The following TUB variants were observed in gnomAD, a reference collection of about 807,000 sequenced individuals.
The protein encoded by TUB is tubby protein homolog.
TUB carries 33 observed loss-of-function variants against 59.7 expected under a neutral mutation model. The ratio of observed to expected loss-of-function variants is 0.55; its 90% confidence interval spans 0.42 to 0.74. The LOEUF is 0.74. Ranked by LOEUF, TUB falls within the 30% of genes least tolerant of loss-of-function variation. The probability of loss-of-function intolerance (pLI) is 0.00; values close to 1 mark genes in which losing one functional copy is unlikely to be tolerated. For missense variants in TUB, 659 were observed against 672.0 expected (o/e 0.98, Z 0.21); for synonymous variants, 293 against 256.4 (o/e 1.14, Z -1.36).
intron 1 of TUB, among the ~76,000 whole-genome samples, chr11:8,032,540 C>T (rs1162407111): frequency 6.6e-6 from 1 of 152,228 alleles, no homozygotes; most frequent in Non-Finnish European, 1.5e-5. Flanking sequence ...TTTCACACTA[C>T]AACCTCAGAT....
chr11:8,038,568 C>T, upstream of TUB: 1 of 1,108,754 alleles, frequency 9.0e-7, no homozygotes, highest in Non-Finnish European at 1.1e-6. Flanking sequence ...TGCAGAGAGA[C>T]TTGGCCTCCG....
At chr11:8,019,488 C>T (rs1347657107) in intron 1 of TUB, 11 of 902,462 alleles carry the variant, frequency 1.2e-5, no homozygotes, top group Non-Finnish European at 1.6e-5. Context: ...GCACCCGGAC[C>T]CTCGGGCATC....
At chr11:8,077,470 G>C (rs375474617), upstream of TUB, 4 of 152,158 alleles carry the variant, frequency 2.6e-5, no homozygotes, top group Non-Finnish European at 4.4e-5. Context: ...TCATGTCTGC[G>C]TAACTTTGCT....
chr11:8,105,525 C>T lies in TUB; in HGVS notation c.*3906C>T, dbSNP rs1944526589. 1.3e-5 allele frequency: 2 copies of T among 152,132 alleles called. No homozygotes were observed. The highest frequency in any genetic ancestry group is 4.8e-5 in the African/African-American group (2 of 41,406). The allele number at this position is 152,132 out of a possible 1,614,324, so 9.4% of individuals were successfully genotyped here. A position where few individuals can be genotyped will look rare whatever the true frequency, so the allele number is the denominator to read the frequency against. ...TAAATTTTCCAACCAAGTGGAAAGG[C>T]AAGTTGGTCTTATAGAAAGCACTAC... On this transcript the variant is annotated 3_prime_UTR_variant, in exon 12 of 12. Coordinates refer to ENST00000299506, the MANE Select transcript of TUB (RefSeq NM_177972.3).
chr11:8,100,622 C>T (rs199793264), intron 10 of TUB, 21 bp downstream of exon 10: 50 of 1,605,242 alleles, frequency 3.1e-5, no homozygotes, highest in Non-Finnish European at 4.3e-5. Flanking sequence ...ACCCCTTCCT[C>T]CCCTCTTTCC....
chr11:8,101,699 C>G lies in TUB; in HGVS notation c.*80C>G. ...GCCTGTGGAGACAGCCCTGCCTATC[C>G]TCTGTATATAGGCCTTCCGCCAGAT... On this transcript the variant is annotated 3_prime_UTR_variant, in exon 12 of 12. Coordinates refer to ENST00000299506, the MANE Select transcript of TUB (RefSeq NM_177972.3). 1 of 1,559,708 alleles carries G rather than the reference C, an allele frequency of 6.4e-7. No individual in the cohort carries two copies. Among genetic ancestry groups the G allele is most frequent in the East Asian group, 2.3e-5 (1 of 42,736 alleles).
chr11:8,099,379 C>T (rs141760945), intron 9 of TUB, among the ~76,000 whole-genome samples: 1 of 152,126 alleles, frequency 6.6e-6, no homozygotes, highest in Non-Finnish European at 1.5e-5. Flanking sequence ...CCCCTTTGAA[C>T]CTTTTTCTTC....
chr11:8,099,435 A>G (rs972148461), intron 9 of TUB, among the ~76,000 whole-genome samples: 3 of 152,132 alleles, frequency 2.0e-5, no homozygotes, highest in Non-Finnish European at 4.4e-5. Flanking sequence ...GGGCATGGGC[A>G]CTTCTTGGAG....
chr11:8,101,396 C>T (rs2242504), intron 11 of TUB, 90 bp from the exon 12 acceptor site: 95,400 of 1,511,624 alleles, frequency 0.063, 3,351 homozygotes, highest in Middle Eastern at 0.085. Context: ...TTGTTCTTCC[C>T]TCATGTGGTT....
At chr11:8,050,711 A>G (rs1462121267) in intron 2 of TUB, among the ~76,000 whole-genome samples, 1 of 152,184 alleles carries the variant, frequency 6.6e-6, no homozygotes, top group African/African-American at 2.4e-5. Context: ...TTAAAGTACT[A>G]TTTTATTTTT....
intron 1 of TUB, among the ~76,000 whole-genome samples, chr11:8,024,564 CCACTT>C (rs1485547099): frequency 6.6e-6 from 1 of 152,144 alleles, no homozygotes; most frequent in Non-Finnish European, 1.5e-5. Flanking sequence ...CGTCCTGACT[CCACTT>C]CATTTCCACT....
chr11:8,022,616 G>C (rs540307805), intron 1 of TUB, among the ~76,000 whole-genome samples: 1 of 152,174 alleles, frequency 6.6e-6, no homozygotes, highest in Non-Finnish European at 1.5e-5. Context: ...TTGGCCAGGC[G>C]CGGTGGCTCA....
intron 1 of TUB, among the ~76,000 whole-genome samples, chr11:8,033,259 A>T (rs1282763740): frequency 6.6e-6 from 1 of 152,178 alleles, no homozygotes; most frequent in Non-Finnish European, 1.5e-5. Flanking sequence ...GTCTGAGTTC[A>T]GGGGTCCGTT....
chr11:8,064,546 C>T (rs1943200162), intron 2 of TUB, among the ~76,000 whole-genome samples: 1 of 152,142 alleles, frequency 6.6e-6, no homozygotes, highest in Admixed American at 6.5e-5. Flanking sequence ...TCTGGGCCCT[C>T]ATGTCTTGGC....
chr11:8,025,063 A>G (rs925404182), intron 1 of TUB, among the ~76,000 whole-genome samples: 3 of 152,254 alleles, frequency 2.0e-5, no homozygotes, highest in Non-Finnish European at 4.4e-5. Flanking sequence ...TCTAAATGCC[A>G]GGCAACATTT....
rs1942694856 is a variant in TUB at position 8,039,002 on chromosome 11, C to T, written c.129C>T (p.Pro43=). The T allele has an allele frequency of 1.2e-6, 2 of 1,613,552 alleles. No homozygotes were observed. Among genetic ancestry groups the T allele is most frequent in the South Asian group, 1.1e-5 (1 of 91,058 alleles). The change falls in exon 1 of 13, where the codon CCC becomes CCT. Residue 43 remains proline (P), a synonymous_variant. Coordinates refer to the TUB transcript ENST00000305253. ...CAAAGCAGCACAGGAAACCTGGGCC[C>T]CTGAAACGGGGCCACCGAAGAGATC... is the stretch of plus-strand genomic sequence containing the variant.
At chr11:8,066,671 A>G (rs541894855) in intron 2 of TUB, among the ~76,000 whole-genome samples, 1 of 152,208 alleles carries the variant, frequency 6.6e-6, no homozygotes, top group East Asian at 1.9e-4. Flanking sequence ...CGAGCTGGAG[A>G]CCTGGGGCAA....
intron 2 of TUB, chr11:8,067,360 T>C (rs560820521): frequency 8.7e-4 from 133 of 152,374 alleles, no homozygotes; most frequent in African/African-American, 3.0e-3. Context: ...GCCAGTTGTT[T>C]TACCTTTTGA....
chr11:8,072,226 T>G (rs1298161750), intron 2 of TUB, among the ~76,000 whole-genome samples: 1 of 152,168 alleles, frequency 6.6e-6, no homozygotes, highest in African/African-American at 2.4e-5. Context: ...TGATCTCACC[T>G]GAGGAAGCCT....
Sources: allele counts gnomAD v4.1 joint callset (sites outside exome capture counted in the v4.1 genomes callset), GRCh38; gene constraint gnomAD v4.1.1; transcripts MANE v1.5; gene names NCBI Gene and HGNC (gene_info 2026-07-23, HGNC 2026-07-21).